The following CSMD1 variants were observed in gnomAD, a reference collection of about 807,000 sequenced individuals.
CSMD1 encodes CUB and Sushi multiple domains 1.
A neutral mutation model predicts 417.5 loss-of-function variants in CSMD1; 213 were observed. The ratio of observed to expected loss-of-function variants is 0.51; its 90% CI spans 0.46 to 0.57. CSMD1 has a LOEUF of 0.57. Ranked by LOEUF, CSMD1 falls within the 20% of genes least tolerant of loss-of-function variation. CSMD1 has a pLI of 0.00. For synonymous variants in CSMD1, 2,862 were observed against 1,736.8 expected, an observed-to-expected ratio of 1.65 and a Z score of -16.11; for missense variants, 6,923 against 4,529.7, an observed-to-expected ratio of 1.53 and a Z score of -15.17.
intron 12 of CSMD1, among the ~76,000 whole-genome samples, chr8:3,462,248 C>G (rs549269215): frequency 6.6e-6 from 1 of 152,144 alleles, no homozygotes; most frequent in African/African-American, 2.4e-5. Flanking sequence ...CCAAGCCTGG[C>G]CCAATTGCTT....
intron 7 of CSMD1, among the ~76,000 whole-genome samples, chr8:3,656,628 T>C (rs1426381827): frequency 1.3e-5 from 2 of 152,146 alleles, no homozygotes; most frequent in African/African-American, 4.8e-5. Context: ...CAGCTGTCTT[T>C]CTATTACAAA....
chr8:3,677,256 C>A (rs749052587), intron 7 of CSMD1, among the ~76,000 whole-genome samples: 1 of 152,080 alleles, frequency 6.6e-6, no homozygotes, highest in Non-Finnish European at 1.5e-5. Flanking sequence ...TAGCATGCAT[C>A]GAAAATTTCT....
intron 10 of CSMD1, among the ~76,000 whole-genome samples, chr8:3,527,113 G>A (rs1179558117): frequency 6.6e-6 from 1 of 152,022 alleles, no homozygotes; most frequent in Non-Finnish European, 1.5e-5. Context: ...CCAGAACCCA[G>A]AAGAAGACAA....
At chr8:4,361,062 G>C (rs374497017) in intron 3 of CSMD1, among the ~76,000 whole-genome samples, 1 of 151,966 alleles carries the variant, frequency 6.6e-6, no homozygotes. Flanking sequence ...TGGATTTTTC[G>C]TGCCCAACAG....
chr8:3,434,154 G>A (rs1814401391), intron 12 of CSMD1, among the ~76,000 whole-genome samples: 2 of 152,158 alleles, frequency 1.3e-5, no homozygotes, highest in South Asian at 4.1e-4. Flanking sequence ...GGCAGTAAAT[G>A]TTTAGATAAG....
intron 2 of CSMD1, among the ~76,000 whole-genome samples, chr8:4,546,770 A>G (rs1305075916): frequency 6.6e-6 from 1 of 152,032 alleles, no homozygotes; most frequent in Non-Finnish European, 1.5e-5. Flanking sequence ...TATAAATTAT[A>G]CATGCTACAT....
intron 8 of CSMD1, among the ~76,000 whole-genome samples, chr8:3,604,538 G>C (rs1293784359): frequency 2.0e-5 from 3 of 152,164 alleles, no homozygotes; most frequent in African/African-American, 7.2e-5. Context: ...TACCAACCGA[G>C]ATATCAGTGT....
chr8:3,573,726 G>A (rs1215559919), intron 10 of CSMD1, among the ~76,000 whole-genome samples: 1 of 152,094 alleles, frequency 6.6e-6, no homozygotes, highest in Non-Finnish European at 1.5e-5. Context: ...TTGACAAAAT[G>A]TAAAAATGAA....
At chr8:3,157,995 A>G (rs1176020315) in intron 38 of CSMD1, 29 bp from the exon 39 acceptor site, 8 of 1,502,984 alleles carry the variant, frequency 5.3e-6, no homozygotes, top group South Asian at 4.8e-5. Context: ...AAGAAAATAC[A>G]TATAACTAAA....
intron 25 of CSMD1, among the ~76,000 whole-genome samples, chr8:3,285,734 C>T (rs1192620349): frequency 1.3e-5 from 2 of 152,008 alleles, no homozygotes; most frequent in African/African-American, 2.4e-5. Flanking sequence ...CTTATACATG[C>T]AACAATTTTT....
At chr8:3,151,246 T>G (rs1819175848) in intron 40 of CSMD1, 151 bp downstream of exon 40, 1 of 543,526 alleles carries the variant, frequency 1.8e-6, no homozygotes. Context: ...CTCTCAAAGT[T>G]ACTCTGCCAA....
At chr8:3,275,807 G>T (rs1200974914) in intron 26 of CSMD1, among the ~76,000 whole-genome samples, 1 of 151,964 alleles carries the variant, frequency 6.6e-6, no homozygotes, top group Non-Finnish European at 1.5e-5. Flanking sequence ...TCTCTGTATT[G>T]GTTATTCTAG....
At position 3,974,556 on chromosome 8, in the gene CSMD1, G is replaced by A. The variant is rs1453317788; in HGVS notation, c.818+23347C>T. 2.0e-5 allele frequency among the ~76,000 whole-genome samples: 3 copies of A among 151,900 alleles called. No individual in the cohort carries two copies. The East Asian group carries it at 5.8e-4, about 29-fold the overall frequency. On this transcript the variant is annotated intron_variant, in intron 5 of 69. Coordinates refer to ENST00000635120, the MANE Select transcript of CSMD1 (RefSeq NM_033225.6). ...TTTAGTTGTCTCAAAATATTTAAAT[G>A]TTTGCTTTCAGAACTAGTGGCAATC...
intron 1 of CSMD1, among the ~76,000 whole-genome samples, chr8:4,909,765 G>C (rs1179341162): frequency 1.3e-5 from 2 of 152,116 alleles, no homozygotes; most frequent in Admixed American, 1.3e-4. Context: ...TATAGTCTCT[G>C]ATCCATGTAC....
chr8:4,192,039 C>T (rs902406872), intron 3 of CSMD1, among the ~76,000 whole-genome samples: 1 of 152,084 alleles, frequency 6.6e-6, no homozygotes, highest in African/African-American at 2.4e-5. Flanking sequence ...TCTCCTGCAA[C>T]AAAAGTATTT....
At chr8:3,830,984 CT>C (rs966185910) in intron 5 of CSMD1, among the ~76,000 whole-genome samples, 11 of 152,094 alleles carry the variant, frequency 7.2e-5, no homozygotes, top group Admixed American at 2.6e-4. Context: ...ACATGGTCAC[CT>C]TTTCCTTCAC....
chr8:4,648,387 A>T (rs1182212103), intron 1 of CSMD1, among the ~76,000 whole-genome samples: 1 of 152,118 alleles, frequency 6.6e-6, no homozygotes, highest in Non-Finnish European at 1.5e-5. Context: ...TCTGTCACCA[A>T]GTGGCCCCTA....
intron 26 of CSMD1, among the ~76,000 whole-genome samples, chr8:3,262,315 C>G (rs1204908349): frequency 6.9e-6 from 1 of 145,860 alleles, no homozygotes; most frequent in African/African-American, 2.5e-5. Context: ...CTGAATGTAC[C>G]TTTGTGATAG....
At chr8:3,003,773 T>C (rs1807634308) in intron 52 of CSMD1, among the ~76,000 whole-genome samples, 2 of 152,140 alleles carry the variant, frequency 1.3e-5, no homozygotes, top group Non-Finnish European at 2.9e-5. Context: ...CCAGGACTCC[T>C]GGTGAAAGAG....
Sources: gnomAD v4.1 joint callset for allele counts (sites outside exome capture counted in the v4.1 genomes callset) on GRCh38, gnomAD v4.1.1 for gene constraint, MANE v1.5 for transcripts, NCBI Gene and HGNC (gene_info 2026-07-23, HGNC 2026-07-21) for gene names.